The following ZNF892 variants were observed in gnomAD, a reference collection of about 807,000 sequenced individuals.
ZNF892 encodes zinc finger protein 892.
At chr2:95,261,737 T>A in the ZNF892 span, among the ~76,000 whole-genome samples, 2 of 152,176 alleles carry the variant, frequency 1.3e-5, no homozygotes, top group Non-Finnish European at 2.9e-5. Flanking sequence ...GAAGTTGCCT[T>A]GCAAGGAGGT....
At chr2:95,236,703 C>T in the ZNF892 span, among the ~76,000 whole-genome samples, 3 of 152,158 alleles carry the variant, frequency 2.0e-5, no homozygotes, top group Admixed American at 6.5e-5. Context: ...TTCAGGAAAG[C>T]ATCAGAGTAT....
At chr2:95,259,336 C>T in the ZNF892 span, 1 of 153,058 alleles carries the variant, frequency 6.5e-6, no homozygotes, top group Non-Finnish European at 1.5e-5. Context: ...AGATTGGAGG[C>T]TTGAGTTTGG....
chr2:95,233,103 C>T, the ZNF892 span, among the ~76,000 whole-genome samples: 279 of 152,328 alleles, frequency 1.8e-3, 2 homozygotes, highest in African/African-American at 6.6e-3. Context: ...TCTGGAAGCA[C>T]ACCTTTGTCC....
At chr2:95,217,523 A>G in the ZNF892 span, among the ~76,000 whole-genome samples, 2 of 152,234 alleles carry the variant, frequency 1.3e-5, no homozygotes, top group African/African-American at 2.4e-5. Flanking sequence ...TCCTGAGGCA[A>G]AATTACTCTG....
the ZNF892 span, among the ~76,000 whole-genome samples, chr2:95,228,758 C>T: frequency 6.6e-6 from 1 of 152,248 alleles, no homozygotes; most frequent in East Asian, 1.9e-4. Context: ...CCACTTTCCA[C>T]CTGGTGGTTT....
At chr2:95,256,981 T>C in the ZNF892 span, among the ~76,000 whole-genome samples, 1 of 152,194 alleles carries the variant, frequency 6.6e-6, no homozygotes, top group African/African-American at 2.4e-5. Context: ...CGTCTAATCT[T>C]TTTTCAAGGT....
the ZNF892 span, among the ~76,000 whole-genome samples, chr2:95,262,378 T>C: frequency 6.6e-6 from 1 of 152,196 alleles, no homozygotes; most frequent in African/African-American, 2.4e-5. Flanking sequence ...AGCTGTGTCT[T>C]TATTCCAGGC....
At chr2:95,255,163 A>G in the ZNF892 span, among the ~76,000 whole-genome samples, 3 of 151,524 alleles carry the variant, frequency 2.0e-5, no homozygotes, top group African/African-American at 7.3e-5. Context: ...TCTTTTAATT[A>G]TGATGTTAGG....
chr2:95,220,469 C>T, the ZNF892 span, among the ~76,000 whole-genome samples: 1 of 151,934 alleles, frequency 6.6e-6, no homozygotes, highest in African/African-American at 2.4e-5. Context: ...TGTTCTTCCT[C>T]AGGTTCTGAG....
At chr2:95,239,856 C>T in the ZNF892 span, among the ~76,000 whole-genome samples, 1 of 152,306 alleles carries the variant, frequency 6.6e-6, no homozygotes, top group Admixed American at 6.5e-5. Flanking sequence ...TCTTGAACTC[C>T]TGACCTCAGG....
At chr2:95,215,490 T>G in the ZNF892 span, 1 of 428,476 alleles carries the variant, frequency 2.3e-6, no homozygotes, top group Non-Finnish European at 4.2e-6. Context: ...TAGCCAGAGT[T>G]CATCCCTCTC....
At chr2:95,241,512 A>C in the ZNF892 span, among the ~76,000 whole-genome samples, 1 of 152,204 alleles carries the variant, frequency 6.6e-6, no homozygotes, top group Non-Finnish European at 1.5e-5. Flanking sequence ...CAAAGATCGA[A>C]GGTAGCTAAG....
the ZNF892 span, chr2:95,207,901 C>T: frequency 5.0e-6 from 2 of 398,572 alleles, no homozygotes; most frequent in Non-Finnish European, 8.8e-6. Context: ...AAGGCTACCT[C>T]TGGCTGGCGC....
the ZNF892 span, among the ~76,000 whole-genome samples, chr2:95,211,060 T>C: frequency 2.0e-5 from 3 of 152,014 alleles, no homozygotes; most frequent in African/African-American, 7.3e-5. Flanking sequence ...TTGTGAAAAA[T>C]GACAAGAACA....
the ZNF892 span, among the ~76,000 whole-genome samples, chr2:95,231,863 T>C: frequency 6.6e-6 from 1 of 152,312 alleles, no homozygotes; most frequent in South Asian, 2.1e-4. Flanking sequence ...AGGTCAGCTC[T>C]CAGGAGACCC....
the ZNF892 span, among the ~76,000 whole-genome samples, chr2:95,222,221 A>G: frequency 3.4e-3 from 515 of 152,332 alleles, 6 homozygotes; most frequent in Non-Finnish European, 5.4e-3. Context: ...GTTAGGTACC[A>G]CAATATTCTT....
At chr2:95,254,275 G>C in the ZNF892 span, among the ~76,000 whole-genome samples, 1 of 152,174 alleles carries the variant, frequency 6.6e-6, no homozygotes, top group Non-Finnish European at 1.5e-5. Context: ...AATTTATTGA[G>C]AGTTTTTAGC....
the ZNF892 span, among the ~76,000 whole-genome samples, chr2:95,232,413 G>C: frequency 5.7e-4 from 87 of 152,332 alleles, no homozygotes; most frequent in Non-Finnish European, 1.0e-3. Context: ...AAGGCAGCTG[G>C]CCTGACCAGA....
the ZNF892 span, among the ~76,000 whole-genome samples, chr2:95,211,964 A>G: frequency 6.6e-6 from 1 of 152,224 alleles, no homozygotes; most frequent in Non-Finnish European, 1.5e-5. Flanking sequence ...ATGTGGAGAC[A>G]AAGTGCTAAT....
Sources: gnomAD v4.1 joint callset for allele counts (sites outside exome capture counted in the v4.1 genomes callset) on GRCh38, gnomAD v4.1.1 for gene constraint, MANE v1.5 for transcripts, NCBI Gene and HGNC (gene_info 2026-07-23, HGNC 2026-07-21) for gene names.